The following NCOR2 variants were observed in gnomAD, a reference collection of about 807,000 sequenced individuals.
NCOR2 encodes the protein CTG repeat protein 26.
In NCOR2, 81 loss-of-function variants were observed where a neutral mutation model predicts 262.9. That is an observed-to-expected ratio of 0.31 (90% CI 0.26 to 0.37). The LOEUF is 0.37. NCOR2 is among the 10% of genes least tolerant of loss of function. The pLI, the probability that NCOR2 is intolerant of heterozygous loss-of-function variation, is 1.00. For synonymous variants in NCOR2, 1,659 were observed against 1,559.3 expected (o/e 1.06, Z -1.51); for missense variants, 3,385 against 3,621.4 (o/e 0.93, Z 1.68).
chr12:124,561,571 G>A (rs2052074380), intron 1 of NCOR2, among the ~76,000 whole-genome samples: 1 of 152,146 alleles, frequency 6.6e-6, no homozygotes, highest in African/African-American at 2.4e-5. Flanking sequence ...AGTGGGGGAA[G>A]AAAGAGTGAG....
chr12:124,451,688 G>A (rs1250005330), intron 6 of NCOR2, among the ~76,000 whole-genome samples: 1 of 152,212 alleles, frequency 6.6e-6, no homozygotes, highest in Admixed American at 6.5e-5. Context: ...GGTACAGAGT[G>A]TGAGTGATCA....
chr12:124,398,079 T>C, intron 16 of NCOR2, 40 bp downstream of exon 18: 1 of 1,612,956 alleles, frequency 6.2e-7, no homozygotes, highest in South Asian at 1.1e-5. Flanking sequence ...GCGCCCTGGA[T>C]GCAAACCAAC....
At chr12:124,469,322 T>C (rs1415417013) in intron 4 of NCOR2, among the ~76,000 whole-genome samples, 1 of 152,172 alleles carries the variant, frequency 6.6e-6, no homozygotes, top group Non-Finnish European at 1.5e-5. Context: ...TCCAGGATGC[T>C]GGCTTTTACA....
intron 16 of NCOR2, among the ~76,000 whole-genome samples, chr12:124,395,010 A>G (rs1022695746): frequency 9.9e-5 from 15 of 152,048 alleles, no homozygotes; most frequent in African/African-American, 1.4e-4. Flanking sequence ...CCATGCTACT[A>G]AAGTCTTCCA....
intron 5 of NCOR2, 133 bp downstream of exon 7, chr12:124,466,040 C>T (rs930841523): frequency 8.1e-6 from 7 of 867,076 alleles, no homozygotes; most frequent in Non-Finnish European, 1.1e-5. Flanking sequence ...ATAAACCCTG[C>T]GTCTCTGGGG....
At position 124,481,437 on chromosome 12, in the gene NCOR2, T is replaced by C. The variant is rs1300153685; in HGVS notation, c.411+2159A>G. ...GTGGGGCTGCAGCCTCAGCCATGAG[T>C]GGCCTCGAGAGTCCCCACAGGGCTA... On this transcript the variant is annotated intron_variant, in intron 3 of 46. Coordinates refer to ENST00000405201, the Ensembl canonical transcript of NCOR2. This position sits in a 1 kb window ranked among gnomAD's most constrained non-coding sequence, Gnocchi z 4.6. Among the ~76,000 whole-genome samples, 1 of 151,996 alleles carries C rather than the reference T, an allele frequency of 6.6e-6. No homozygotes were observed. Among genetic ancestry groups the C allele is most frequent in the Non-Finnish European group, 1.5e-5 (1 of 67,970 alleles).
At chr12:124,385,879 C>G in exon 17 of NCOR2, 2 of 1,613,314 alleles carry the variant, frequency 1.2e-6, no homozygotes, top group Non-Finnish European at 1.7e-6. Flanking sequence ...CGGCCGTGTT[C>G]CAGGAGACCT....
intron 1 of NCOR2, 59 bp downstream of exon 2, chr12:124,535,506 G>GA (rs1384674539): frequency 6.6e-6 from 1 of 152,308 alleles, no homozygotes; most frequent in Non-Finnish European, 1.5e-5. Flanking sequence ...CTTCCCGTGA[G>GA]AAAGTCCAGG....
At chr12:124,442,062 C>T (rs1401550201) in intron 7 of NCOR2, among the ~76,000 whole-genome samples, 2 of 152,178 alleles carry the variant, frequency 1.3e-5, no homozygotes, top group African/African-American at 2.4e-5. Flanking sequence ...GGCGGAGAGA[C>T]GGGTGAAAAT....
intron 32 of NCOR2, 111 bp from the exon 35 acceptor site, chr12:124,343,337 T>G (rs1461877023): frequency 8.0e-6 from 6 of 746,898 alleles, no homozygotes; most frequent in Non-Finnish European, 1.3e-5. Flanking sequence ...CATTCACTCC[T>G]TCATTTCTTC....
At chr12:124,326,095 C>T (rs1385023044) in intron 46 of NCOR2, 96 bp downstream of exon 48, 15 of 1,292,230 alleles carry the variant, frequency 1.2e-5, no homozygotes. Flanking sequence ...CTGAGCTCTG[C>T]ATGCAGCAGG....
chr12:124,461,648 C>G (rs557015415), intron 5 of NCOR2, among the ~76,000 whole-genome samples: 1 of 152,342 alleles, frequency 6.6e-6, no homozygotes, highest in African/African-American at 2.4e-5. Flanking sequence ...CATGTGCACC[C>G]AAGTGAACAC....
chr12:124,500,237 C>A (rs555731707), upstream of NCOR2, among the ~76,000 whole-genome samples: 1 of 152,174 alleles, frequency 6.6e-6, no homozygotes, highest in East Asian at 1.9e-4. Context: ...GCCCCAGGGC[C>A]CCTGCTGGCC....
At chr12:124,487,102 C>A (rs532508653) in intron 1 of NCOR2, among the ~76,000 whole-genome samples, 1 of 152,218 alleles carries the variant, frequency 6.6e-6, no homozygotes. Context: ...GCATACGGGG[C>A]AGCATTATTT....
At chr12:124,388,709 C>T (rs2041007937) in intron 16 of NCOR2, 3 of 1,304,318 alleles carry the variant, frequency 2.3e-6, no homozygotes, top group African/African-American at 3.0e-5. Context: ...GTCTCCCCCT[C>T]GGCCAAGTTT....
intron 13 of NCOR2, among the ~76,000 whole-genome samples, chr12:124,408,966 G>A (rs892709844): frequency 1.3e-5 from 2 of 152,160 alleles, no homozygotes; most frequent in African/African-American, 2.4e-5. Flanking sequence ...ACGTTGTCAC[G>A]TGGCACTGGG....
intron 7 of NCOR2, among the ~76,000 whole-genome samples, chr12:124,442,397 C>T (rs71458843): frequency 2.6e-5 from 4 of 152,222 alleles, no homozygotes; most frequent in Non-Finnish European, 5.9e-5. Flanking sequence ...ACCTTGGCCT[C>T]CCAAAGTGCT....
At chr12:124,460,008 C>G (rs1285015038) in intron 5 of NCOR2, among the ~76,000 whole-genome samples, 1 of 152,228 alleles carries the variant, frequency 6.6e-6, no homozygotes, top group Non-Finnish European at 1.5e-5. Flanking sequence ...CATGTCTTGA[C>G]TCAGCCTCCC....
At chr12:124,339,853 A>ATCCATCCATC (rs1566364300) in intron 37 of NCOR2, among the ~76,000 whole-genome samples, 153 bp downstream of exon 39, 2 of 138,404 alleles carry the variant, frequency 1.4e-5, no homozygotes, top group African/African-American at 5.8e-5. Context: ...CCACCCATCC[A>ATCCATCCATC]CTACTCACAC....
Sources: allele counts gnomAD v4.1 joint callset (sites outside exome capture counted in the v4.1 genomes callset), GRCh38; gene constraint gnomAD v4.1.1; non-coding constraint Gnocchi (gnomAD v3.1); transcripts MANE v1.5; gene names NCBI Gene and HGNC (gene_info 2026-07-23, HGNC 2026-07-21).